Variants in TMEM74 observed in about 807,000 individuals in gnomAD.
TMEM74 encodes transmembrane protein 74.
In TMEM74, 13 loss-of-function variants were observed where a neutral mutation model predicts 18.1. The ratio of observed to expected loss-of-function variants is 0.72; its 90% CI spans 0.47 to 1.14. The LOEUF (loss-of-function observed/expected upper bound fraction) is 1.14, where lower values mean the gene tolerates loss of function less well. TMEM74 is among the 50% of genes most tolerant of loss of function. The probability of loss-of-function intolerance (pLI) is 0.00; values close to 1 mark genes in which losing one functional copy is unlikely to be tolerated. For synonymous variants in TMEM74, 159 were observed against 146.6 expected, an observed-to-expected ratio of 1.08 and a Z score of -0.61; for missense variants, 372 against 375.9, an observed-to-expected ratio of 0.99 and a Z score of 0.09.
At chr8:108,718,758 T>C (rs1400314173) in intron 1 of TMEM74, among the ~76,000 whole-genome samples, 1 of 152,186 alleles carries the variant, frequency 6.6e-6, no homozygotes, top group Non-Finnish European at 1.5e-5. Flanking sequence ...ATTGAGGCAA[T>C]CAACATTTAA....
chr8:108,710,397 T>C (rs545621760), intron 1 of TMEM74, among the ~76,000 whole-genome samples: 1 of 152,318 alleles, frequency 6.6e-6, no homozygotes, highest in South Asian at 2.1e-4. Flanking sequence ...TGCCACTGTC[T>C]ACTATATGGA....
chr8:108,639,278 T>C (rs1812638727), intron 2 of TMEM74, among the ~76,000 whole-genome samples: 1 of 152,174 alleles, frequency 6.6e-6, no homozygotes, highest in Non-Finnish European at 1.5e-5. Flanking sequence ...TATATATGAG[T>C]AAACTGAATT....
At chr8:108,658,818 T>C (rs2130579039) in intron 1 of TMEM74, among the ~76,000 whole-genome samples, 1 of 152,242 alleles carries the variant, frequency 6.6e-6, no homozygotes, top group African/African-American at 2.4e-5. Flanking sequence ...AAAACATAGG[T>C]AGTTATCATT....
intron 1 of TMEM74, among the ~76,000 whole-genome samples, chr8:108,657,600 G>C (rs1029841158): frequency 1.3e-5 from 2 of 151,552 alleles, no homozygotes; most frequent in Non-Finnish European, 2.9e-5. Context: ...GCTCACCCCT[G>C]TAATCCCAGC....
chr8:108,705,669 A>G (rs1813389776), intron 1 of TMEM74, among the ~76,000 whole-genome samples: 1 of 152,086 alleles, frequency 6.6e-6, no homozygotes, highest in South Asian at 2.1e-4. Flanking sequence ...AGTAAAATGG[A>G]GCTCGTACAT....
intron 1 of TMEM74, among the ~76,000 whole-genome samples, chr8:108,725,865 A>G (rs1186263312): frequency 6.6e-6 from 1 of 152,172 alleles, no homozygotes; most frequent in Non-Finnish European, 1.5e-5. Flanking sequence ...AGGTGCTATA[A>G]ATTACTCAAA....
chr8:108,757,522 T>A (rs1237669514), intron 1 of TMEM74, among the ~76,000 whole-genome samples: 1 of 152,070 alleles, frequency 6.6e-6, no homozygotes, highest in Non-Finnish European at 1.5e-5. Flanking sequence ...CAAGCTTATA[T>A]AATAGAGTAA....
intron 2 of TMEM74, among the ~76,000 whole-genome samples, chr8:108,628,826 T>C (rs112526409): frequency 2.6e-5 from 4 of 152,254 alleles, no homozygotes; most frequent in African/African-American, 9.6e-5. Context: ...ATTGCCATTC[T>C]ATCTGGCATG....
rs71564014 is a variant in TMEM74 at position 108,650,702 on chromosome 8, T to TTTTATTTATTTATTTA, written n.264+4575_264+4590dup. Among the ~76,000 whole-genome samples the TTTTATTTATTTATTTA allele has an allele frequency of 7.1e-3, 1,078 of 151,054 alleles. 5 individuals carry two copies. The highest frequency in any genetic ancestry group is 0.014 in the Middle Eastern group (4 of 292). ...TGTTTTATTCTCATTGAGGCATTCTTTTTATTTATTTATTTATTTATTTTT... is the reference window on the plus strand; with the variant it reads ...TGTTTTATTCTCATTGAGGCATTCTTTTTATTTATTTATTTATTTATTTATTTATTTATTTATTTTT... On this transcript the variant is annotated intron_variant and non_coding_transcript_variant, in intron 2 of 3. Coordinates refer to the TMEM74 transcript ENST00000518838.
chr8:108,695,246 G>GAAAAA (rs1195401751), intron 1 of TMEM74, among the ~76,000 whole-genome samples: 2 of 151,858 alleles, frequency 1.3e-5, no homozygotes, highest in Admixed American at 6.6e-5. Flanking sequence ...ATCACATGAG[G>GAAAAA]AAAAAAAGGT....
intron 2 of TMEM74, among the ~76,000 whole-genome samples, chr8:108,615,860 C>G (rs1176588354): frequency 7.8e-6 from 1 of 128,400 alleles, no homozygotes; most frequent in Non-Finnish European, 1.6e-5. Context: ...TCTCACTGCT[C>G]ACTGCAACCT....
At chr8:108,646,117 C>A (rs1812714821) in intron 2 of TMEM74, among the ~76,000 whole-genome samples, 1 of 143,628 alleles carries the variant, frequency 7.0e-6, no homozygotes, top group South Asian at 2.3e-4. Flanking sequence ...TAATAAAGAA[C>A]TTCATACTTA....
In TMEM74 at chr8:108,785,066, G is replaced by A. The variant is rs758698324; in HGVS notation, c.33C>T (p.Asn11=). The A allele has an allele frequency of 1.9e-6, 3 of 1,610,886 alleles. No homozygotes were observed. Among genetic ancestry groups the A allele is most frequent in the East Asian group, 2.2e-5 (1 of 44,840 alleles). MELHYLAKKS[N]QADLCDARDW... ...CCCTGGCATCACAGAGGTCTGCCTG[G>A]TTGCTCTTCTTAGCAAGGTAGTGGA... The change falls in exon 2 of 2, where the codon AAC becomes AAT. Residue 11 remains asparagine, a synonymous_variant. Transcript: ENST00000297459.
chr8:108,683,661 G>A (rs1009363859), intron 1 of TMEM74, among the ~76,000 whole-genome samples: 2 of 151,904 alleles, frequency 1.3e-5, no homozygotes, highest in African/African-American at 2.4e-5. Flanking sequence ...GTAATGTATA[G>A]TGATCAGACC....
chr8:108,640,616 A>G (rs989509772), intron 2 of TMEM74, among the ~76,000 whole-genome samples: 5 of 152,144 alleles, frequency 3.3e-5, no homozygotes, highest in Non-Finnish European at 7.4e-5. Flanking sequence ...GGCTCAGGGC[A>G]TTAAATATAT....
intron 1 of TMEM74, among the ~76,000 whole-genome samples, chr8:108,760,911 A>G (rs1814036247): frequency 6.6e-6 from 1 of 151,916 alleles, no homozygotes; most frequent in Admixed American, 6.6e-5. Context: ...CTGTCAGTTA[A>G]AAGGGCCTCC....
At position 108,783,160 on chromosome 8, in the gene TMEM74, G is replaced by A. The variant is rs763095544; in HGVS notation, c.*1021C>T. ...TGTTGCTACCATGAGGGAAGTGCTC[G>A]TTGCTTGGCCTACAGCAAGTGATAC... is the stretch of plus-strand genomic sequence containing the variant. On this transcript the variant is annotated 3_prime_UTR_variant, in exon 2 of 2. Transcript: ENST00000297459. Among the ~76,000 whole-genome samples the A allele has an allele frequency of 4.6e-5, 7 of 151,982 alleles. No homozygotes were observed. Among genetic ancestry groups the A allele is most frequent in the African/African-American group, 1.5e-4 (6 of 41,352 alleles).
At chr8:108,786,043 A>G (rs1280917224) in intron 1 of TMEM74, among the ~76,000 whole-genome samples, 1 of 152,168 alleles carries the variant, frequency 6.6e-6, no homozygotes, top group African/African-American at 2.4e-5. Flanking sequence ...ATGCTTTGCT[A>G]TCACACAATG....
chr8:108,766,923 T>A (rs780500898), intron 1 of TMEM74, among the ~76,000 whole-genome samples: 1 of 152,168 alleles, frequency 6.6e-6, no homozygotes, highest in African/African-American at 2.4e-5. Flanking sequence ...AGGAGAAAGA[T>A]GAAGGCCGGA....
Sources: gnomAD v4.1 joint callset for allele counts (sites outside exome capture counted in the v4.1 genomes callset) on GRCh38, gnomAD v4.1.1 for gene constraint, MANE v1.5 for transcripts, NCBI Gene and HGNC (gene_info 2026-07-23, HGNC 2026-07-21) for gene names.